Variants in DNA2 observed in about 807,000 individuals in gnomAD.
DNA2 encodes DNA replication ATP-dependent helicase/nuclease DNA2.
In DNA2, 101 loss-of-function variants were observed where a neutral mutation model predicts 119.1. That is an observed-to-expected ratio of 0.85 (90% CI 0.72 to 1.00). The LOEUF (loss-of-function observed/expected upper bound fraction) is 1.00, where lower values mean the gene tolerates loss of function less well. Among genes scored for constraint, DNA2 ranks in the 50% least tolerant of loss-of-function variants. The probability of loss-of-function intolerance (pLI) is 0.00; values close to 1 mark genes in which losing one functional copy is unlikely to be tolerated. For missense variants in DNA2, 1,121 were observed against 1,255.5 expected, an observed-to-expected ratio of 0.89 and a Z score of 1.62; for synonymous variants, 366 against 424.4, an observed-to-expected ratio of 0.86 and a Z score of 1.69.
chr10:68,443,139 G>A, intron 8 of DNA2, 28 bp from the exon 9 acceptor site: 1 of 1,527,076 alleles, frequency 6.5e-7, no homozygotes, highest in African/African-American at 1.4e-5. Context: ...AGTTAGAGAT[G>A]CTTATAAACC....
In DNA2 at chr10:68,414,341, CCAAA is replaced by C. The variant is rs1294176063; in HGVS notation, c.*694_*697del. The C allele has an allele frequency of 6.6e-6, 1 of 151,882 alleles. No individual in the cohort carries two copies. Among genetic ancestry groups the C allele is most frequent in the African/African-American group, 2.4e-5 (1 of 41,340 alleles). 9.4% of individuals were successfully genotyped at this position (151,882 alleles called of 1,614,324 possible). A position where few individuals can be genotyped will look rare whatever the true frequency, so the allele number is the denominator to read the frequency against. ...AAAAAGGGAAAACTGAGTGATACCCCCAAACATAGGGGCATATGAACATATGTGA... is the reference window on the plus strand; with the variant it reads ...AAAAAGGGAAAACTGAGTGATACCCCCATAGGGGCATATGAACATATGTGA... On this transcript the variant is annotated 3_prime_UTR_variant, in exon 21 of 21. Coordinates refer to ENST00000358410, the MANE Select transcript of DNA2 (RefSeq NM_001080449.3).
intron 1 of DNA2, among the ~76,000 whole-genome samples, chr10:68,471,572 T>C (rs1479616871): frequency 6.6e-6 from 1 of 152,064 alleles, no homozygotes; most frequent in Non-Finnish European, 1.5e-5. Flanking sequence ...AACAATGAAC[T>C]GCTCGGCGAG....
chr10:68,472,194 A>G (rs1026977613), upstream of DNA2: 3 of 1,263,840 alleles, frequency 2.4e-6, no homozygotes, highest in African/African-American at 1.5e-5. Context: ...TCCCGGGTTC[A>G]CACCATTCTC....
intron 19 of DNA2, among the ~76,000 whole-genome samples, chr10:68,418,669 ATTTTTTT>A (rs34507769): frequency 1.8e-5 from 2 of 113,846 alleles, no homozygotes; most frequent in Non-Finnish European, 3.5e-5. Flanking sequence ...TTAAACCGCA[ATTTTTTT>A]TTTTTTTTTT....
At chr10:68,436,422 G>A (rs1257344256) in intron 10 of DNA2, among the ~76,000 whole-genome samples, 2 of 152,124 alleles carry the variant, frequency 1.3e-5, no homozygotes, top group African/African-American at 4.8e-5. Flanking sequence ...CTTCAGGGAG[G>A]AGAGAGTGGG....
intron 13 of DNA2, among the ~76,000 whole-genome samples, chr10:68,431,117 C>A (rs576209534): frequency 6.7e-4 from 102 of 151,246 alleles, no homozygotes; most frequent in Non-Finnish European, 1.1e-3. Flanking sequence ...CCAACCTGGT[C>A]TCAAATACCA....
rs1393384942 is a variant in DNA2, at chr10:68,470,163, T to C, written c.75A>G (p.Leu25=). The change falls in exon 2 of 21, where the codon CTA becomes CTG. Residue 25 remains leucine (L), a splice_region_variant and synonymous_variant. Transcript: ENST00000358410. Reference sequence around the variant, plus strand: ...AGGAAGCTACCACTTTCTTCTGAAATCTAAAGCACACACATACAAAACTAT... The same window carrying C: ...AGGAAGCTACCACTTTCTTCTGAAACCTAAAGCACACACATACAAAACTAT... The part of the protein sequence containing the change: ...FWEEAELPAE[L]FQKKVVASFP... The C allele has an allele frequency of 6.3e-7, 1 of 1,589,020 alleles. No homozygotes were observed. The highest frequency in any genetic ancestry group is 8.5e-7 in the Non-Finnish European group (1 of 1,173,616).
intron 14 of DNA2, among the ~76,000 whole-genome samples, chr10:68,429,544 C>CAA (rs533902480): frequency 2.0e-3 from 205 of 102,336 alleles, no homozygotes; most frequent in Middle Eastern, 0.012. Flanking sequence ...AACTCCGTCT[C>CAA]AAAAAAAAAA....
intron 14 of DNA2, among the ~76,000 whole-genome samples, chr10:68,428,833 A>G (rs1177538361): frequency 6.6e-6 from 1 of 152,140 alleles, no homozygotes; most frequent in Non-Finnish European, 1.5e-5. Context: ...AGGAGAGTGG[A>G]TACAACTATA....
At chr10:68,463,352 G>A (rs1185439288) in intron 4 of DNA2, among the ~76,000 whole-genome samples, 1 of 150,518 alleles carries the variant, frequency 6.6e-6, no homozygotes, top group Admixed American at 6.7e-5. Context: ...GCTGAGGCAG[G>A]AGAATGGCGT....
chr10:68,436,836 C>T, intron 10 of DNA2, 175 bp downstream of exon 10: 1 of 571,282 alleles, frequency 1.8e-6, no homozygotes. Context: ...AGGGCTTCTT[C>T]CTTGGGAGTT....
intron 2 of DNA2, among the ~76,000 whole-genome samples, chr10:68,468,639 T>C (rs1033386836): frequency 6.6e-6 from 1 of 152,218 alleles, no homozygotes; most frequent in African/African-American, 2.4e-5. Context: ...GCTCCAATTA[T>C]GAATTGGGTT....
chr10:68,416,917 C>A, intron 19 of DNA2, 62 bp from the exon 20 acceptor site: 1 of 1,409,996 alleles, frequency 7.1e-7, no homozygotes, highest in Non-Finnish European at 9.7e-7. Context: ...TATTACAACA[C>A]ATCCCTACAC....
intron 20 of DNA2, among the ~76,000 whole-genome samples, chr10:68,416,396 A>ATT (rs2051589865): frequency 6.6e-6 from 1 of 152,042 alleles, no homozygotes; most frequent in Non-Finnish European, 1.5e-5. Context: ...AGCCTGGGAG[A>ATT]TTGAGGGTGC....
At chr10:68,464,822 T>C (rs1590076054) in intron 4 of DNA2, among the ~76,000 whole-genome samples, 5 of 59,596 alleles carry the variant, frequency 8.4e-5, no homozygotes, top group South Asian at 7.7e-4. Flanking sequence ...AGAGCGAAAC[T>C]CCACCTCAAA....
chr10:68,432,612 T>C, intron 10 of DNA2, 102 bp from the exon 11 acceptor site: 1 of 720,500 alleles, frequency 1.4e-6, no homozygotes, highest in South Asian at 1.7e-5. Flanking sequence ...CCAGAATAGC[T>C]ATTAAAATAG....
intron 17 of DNA2, 71 bp from the exon 18 acceptor site, chr10:68,419,963 T>G: frequency 8.4e-5 from 99 of 1,179,832 alleles, no homozygotes; most frequent in Non-Finnish European, 1.2e-4. Flanking sequence ...CAACTGGCCA[T>G]AAAGACTATA....
At chr10:68,467,647 T>C (rs1323254739) in intron 3 of DNA2, among the ~76,000 whole-genome samples, 2 of 151,872 alleles carry the variant, frequency 1.3e-5, no homozygotes, top group Non-Finnish European at 2.9e-5. Context: ...ATCTCCCGGG[T>C]TTAAACGATT....
intron 13 of DNA2, 88 bp downstream of exon 13, chr10:68,431,774 C>A: frequency 1.2e-6 from 1 of 802,832 alleles, no homozygotes; most frequent in Non-Finnish European, 2.0e-6. Context: ...TAAAATTCAG[C>A]CCTTTTGATA....
Sources: allele counts gnomAD v4.1 joint callset (sites outside exome capture counted in the v4.1 genomes callset), GRCh38; gene constraint gnomAD v4.1.1; transcripts MANE v1.5; gene names NCBI Gene and HGNC (gene_info 2026-07-23, HGNC 2026-07-21).